OSBPL1A: variants seen among roughly 807,000 people sequenced by gnomAD.
OSBPL1A encodes oxysterol binding protein like 1A, also known as oxysterol-binding protein-related protein 1.
In OSBPL1A, 80 loss-of-function variants were observed where a neutral mutation model predicts 137.1. The ratio of observed to expected loss-of-function variants is 0.58; its 90% confidence interval spans 0.49 to 0.70. OSBPL1A has a LOEUF of 0.70. Among genes scored for constraint, OSBPL1A ranks in the 30% least tolerant of loss-of-function variants. The probability of loss-of-function intolerance (pLI) is 0.00; values close to 1 mark genes in which losing one functional copy is unlikely to be tolerated. For synonymous variants in OSBPL1A, 365 were observed against 389.7 expected, an observed-to-expected ratio of 0.94 and a Z score of 0.75; for missense variants, 970 against 1,129.4, an observed-to-expected ratio of 0.86 and a Z score of 2.02.
intron 17 of OSBPL1A, among the ~76,000 whole-genome samples, chr18:24,219,087 G>A (rs1023898006): frequency 6.6e-6 from 1 of 151,942 alleles, no homozygotes; most frequent in East Asian, 1.9e-4. Context: ...GAGGCTAGGG[G>A]TTCAAGACCA....
chr18:24,242,293 A>AAAAC (rs112679194), intron 15 of OSBPL1A, among the ~76,000 whole-genome samples: 129,534 of 146,716 alleles, frequency 0.88, 57,782 homozygotes, highest in Admixed American at 0.94. Context: ...AAGTATAATT[A>AAAAC]AAACAAACAA....
At chr18:24,323,364 C>G (rs2090902726) in intron 7 of OSBPL1A, among the ~76,000 whole-genome samples, 1 of 149,664 alleles carries the variant, frequency 6.7e-6, no homozygotes, top group Admixed American at 6.7e-5. Flanking sequence ...ACCAGCCCAG[C>G]CAACATGATG....
intron 17 of OSBPL1A, among the ~76,000 whole-genome samples, chr18:24,199,862 G>A (rs2087163826): frequency 6.6e-6 from 1 of 152,162 alleles, no homozygotes; most frequent in Non-Finnish European, 1.5e-5. Flanking sequence ...CAAGGATGCT[G>A]CTAAACATCA....
intron 15 of OSBPL1A, among the ~76,000 whole-genome samples, chr18:24,251,100 C>G (rs2089075508): frequency 6.6e-6 from 1 of 152,136 alleles, no homozygotes; most frequent in Non-Finnish European, 1.5e-5. Context: ...TAGAATAGGA[C>G]ATCAGGCAAA....
intron 4 of OSBPL1A, among the ~76,000 whole-genome samples, chr18:24,355,534 A>G (rs774654380): frequency 3.0e-4 from 45 of 151,674 alleles, no homozygotes; most frequent in Non-Finnish European, 5.6e-4. Flanking sequence ...ACAACAAAAA[A>G]CCTGTCTTTC....
chr18:24,283,804 C>T (rs1430965016), intron 14 of OSBPL1A, among the ~76,000 whole-genome samples: 1 of 152,088 alleles, frequency 6.6e-6, no homozygotes, highest in African/African-American at 2.4e-5. Flanking sequence ...GCTTAATCAT[C>T]CTGTTTTTGT....
At chr18:24,367,819 A>G (rs1437573322) in intron 3 of OSBPL1A, 1 of 152,292 alleles carries the variant, frequency 6.6e-6, no homozygotes, top group Non-Finnish European at 1.5e-5. Context: ...GTAAGATGCA[A>G]GCAAATTTCA....
chr18:24,173,363 T>C (rs1319262786), intron 21 of OSBPL1A, among the ~76,000 whole-genome samples: 1 of 152,046 alleles, frequency 6.6e-6, no homozygotes, highest in Non-Finnish European at 1.5e-5. Context: ...AGAACAAACC[T>C]GCACATGTAC....
intron 4 of OSBPL1A, among the ~76,000 whole-genome samples, chr18:24,342,773 G>A (rs1247840937): frequency 5.3e-5 from 8 of 151,278 alleles, no homozygotes; most frequent in Admixed American, 2.0e-4. Context: ...TTGAGTTTTC[G>A]TAACATGATT....
chr18:24,318,962 C>G (rs552503000), intron 7 of OSBPL1A, among the ~76,000 whole-genome samples, 153 bp from the exon 8 acceptor site: 4 of 152,330 alleles, frequency 2.6e-5, no homozygotes, highest in Admixed American at 2.0e-4. Flanking sequence ...AGGTTGCCAT[C>G]TCAATTATTT....
At chr18:24,237,888 G>A (rs948252904) in intron 16 of OSBPL1A, among the ~76,000 whole-genome samples, 2 of 152,074 alleles carry the variant, frequency 1.3e-5, no homozygotes, top group African/African-American at 4.8e-5. Flanking sequence ...TCTTCCCAAC[G>A]TGAGTCACTC....
At chr18:24,260,114 G>A (rs1046252354) in intron 15 of OSBPL1A, among the ~76,000 whole-genome samples, 1 of 152,002 alleles carries the variant, frequency 6.6e-6, no homozygotes, top group Non-Finnish European at 1.5e-5. Flanking sequence ...AACACAATGA[G>A]ATACCACTTC....
intron 18 of OSBPL1A, among the ~76,000 whole-genome samples, chr18:24,193,255 G>A (rs1025002660): frequency 6.6e-6 from 1 of 152,260 alleles, no homozygotes. Flanking sequence ...TGGAAGCCAG[G>A]GTGGGTGGAT....
intron 4 of OSBPL1A, among the ~76,000 whole-genome samples, chr18:24,363,759 A>G (rs1366561246): frequency 2.0e-5 from 3 of 151,518 alleles, no homozygotes; most frequent in African/African-American, 7.3e-5. Context: ...CTCCAACCTC[A>G]GCCTCCCGAG....
chr18:24,267,772 T>C (rs146959680), intron 15 of OSBPL1A, among the ~76,000 whole-genome samples: 129 of 151,740 alleles, frequency 8.5e-4, no homozygotes, highest in African/African-American at 3.1e-3. Flanking sequence ...GAAAGGAAAC[T>C]CTTTAAATCT....
chr18:24,205,600 C>A (rs2145959303), intron 17 of OSBPL1A, among the ~76,000 whole-genome samples: 1 of 152,164 alleles, frequency 6.6e-6, no homozygotes, highest in Admixed American at 6.5e-5. Flanking sequence ...AGAAAACCTT[C>A]AACATGAAGT....
chr18:24,244,032 C>T (rs2088804240), intron 15 of OSBPL1A, among the ~76,000 whole-genome samples: 1 of 152,130 alleles, frequency 6.6e-6, no homozygotes, highest in African/African-American at 2.4e-5. Context: ...TTTCAGAACA[C>T]CTAGGGGAAA....
chr18:24,365,388 C>T (rs948376391), intron 4 of OSBPL1A, among the ~76,000 whole-genome samples: 3 of 152,030 alleles, frequency 2.0e-5, no homozygotes, highest in Non-Finnish European at 2.9e-5. Flanking sequence ...AGTTCGAGAC[C>T]AGCCTGGCCA....
intron 7 of OSBPL1A, among the ~76,000 whole-genome samples, chr18:24,324,603 TA>T (rs71163674): frequency 0.18 from 1,007 of 5,642 alleles, 53 homozygotes; most frequent in East Asian, 0.24. Context: ...AATATGAATA[TA>T]AAAAAAAAAA....
Sources: allele counts gnomAD v4.1 joint callset (sites outside exome capture counted in the v4.1 genomes callset), GRCh38; gene constraint gnomAD v4.1.1; transcripts MANE v1.5; gene names NCBI Gene and HGNC (gene_info 2026-07-23, HGNC 2026-07-21).